The following AGMO variants were observed in gnomAD, a reference collection of about 807,000 sequenced individuals.
AGMO encodes glyceryl-ether monooxygenase.
AGMO carries 75 observed loss-of-function variants against 60.2 expected under a neutral mutation model. That is an observed-to-expected ratio of 1.25 (90% CI 1.03 to 1.51). The LOEUF is 1.51. AGMO is among the 40% of genes most tolerant of loss of function. The probability of loss-of-function intolerance (pLI) is 0.00; values close to 1 mark genes in which losing one functional copy is unlikely to be tolerated. For synonymous variants in AGMO, 261 were observed against 177.1 expected (o/e 1.47, Z -3.76); for missense variants, 763 against 525.5 (o/e 1.45, Z -4.42).
At chr7:15,544,635 C>G in intron 3 of AGMO, 137 bp downstream of exon 3, 1 of 748,646 alleles carries the variant, frequency 1.3e-6, no homozygotes, top group Non-Finnish European at 1.9e-6. Flanking sequence ...AGTAAACCTT[C>G]ATTATTAATT....
At chr7:15,499,907 GCACACACA>G (rs367953278) in intron 3 of AGMO, among the ~76,000 whole-genome samples, 6 of 137,714 alleles carry the variant, frequency 4.4e-5, no homozygotes, top group Non-Finnish European at 7.8e-5. Flanking sequence ...TATGTATTAC[GCACACACA>G]CACACACACA....
At chr7:15,356,504 T>C (rs934744432) in intron 12 of AGMO, among the ~76,000 whole-genome samples, 3 of 151,956 alleles carry the variant, frequency 2.0e-5, no homozygotes, top group African/African-American at 7.2e-5. Flanking sequence ...AAAAATGAAA[T>C]AATATATTGC....
the AGMO span, among the ~76,000 whole-genome samples, chr7:15,155,551 A>G: frequency 7.0e-6 from 1 of 142,424 alleles, no homozygotes; most frequent in African/African-American, 2.6e-5. Context: ...CTGTTTTACT[A>G]TTTTCCTTGG....
At chr7:15,409,538 A>G (rs1784786688) in intron 5 of AGMO, among the ~76,000 whole-genome samples, 1 of 151,880 alleles carries the variant, frequency 6.6e-6, no homozygotes, top group African/African-American at 2.4e-5. Context: ...TAGTTTTCTG[A>G]CTTTCTATTA....
intron 4 of AGMO, among the ~76,000 whole-genome samples, chr7:15,421,234 C>T (rs1380782310): frequency 1.3e-5 from 2 of 152,060 alleles, no homozygotes; most frequent in Admixed American, 6.6e-5. Context: ...ATTATAACAA[C>T]GTGTGAGCCT....
chr7:15,372,558 C>A (rs1267901551), intron 10 of AGMO, among the ~76,000 whole-genome samples: 2 of 152,094 alleles, frequency 1.3e-5, no homozygotes, highest in African/African-American at 4.8e-5. Flanking sequence ...CCAAGAACAA[C>A]AAAATCCCTG....
chr7:15,244,230 A>G (rs1563051877), intron 12 of AGMO, among the ~76,000 whole-genome samples: 1 of 152,184 alleles, frequency 6.6e-6, no homozygotes, highest in African/African-American at 2.4e-5. Context: ...AACATTCTCA[A>G]TGTGTCTACC....
chr7:15,157,748 T>A, the AGMO span, among the ~76,000 whole-genome samples: 3 of 152,362 alleles, frequency 2.0e-5, no homozygotes, highest in African/African-American at 7.2e-5. Flanking sequence ...CCACATCTTA[T>A]TTCTCGACCT....
At chr7:15,216,455 A>G (rs1038183418) in intron 12 of AGMO, among the ~76,000 whole-genome samples, 2 of 152,100 alleles carry the variant, frequency 1.3e-5, no homozygotes, top group African/African-American at 4.8e-5. Context: ...CTAAAATCCA[A>G]GAGCCTTGAT....
chr7:15,423,829 T>C (rs1426776135), intron 4 of AGMO, among the ~76,000 whole-genome samples: 2 of 152,258 alleles, frequency 1.3e-5, no homozygotes, highest in South Asian at 2.1e-4. Context: ...GTCTCCCTCA[T>C]AGCCCTCAAA....
intron 12 of AGMO, among the ~76,000 whole-genome samples, chr7:15,327,949 T>A (rs891530034): frequency 1.3e-5 from 2 of 151,064 alleles, no homozygotes; most frequent in African/African-American, 4.9e-5. Flanking sequence ...AAAAAAAATT[T>A]TTTTTTGGTT....
intron 12 of AGMO, among the ~76,000 whole-genome samples, chr7:15,347,934 G>A (rs776588076): frequency 1.6e-4 from 24 of 152,124 alleles, no homozygotes; most frequent in South Asian, 4.2e-4. Flanking sequence ...CTATCTTTAT[G>A]TCAAAAGCAA....
chr7:15,379,738 C>T (rs1294789070), intron 10 of AGMO, among the ~76,000 whole-genome samples: 2 of 151,956 alleles, frequency 1.3e-5, no homozygotes, highest in African/African-American at 4.8e-5. Flanking sequence ...ATATCCTTGA[C>T]TGACAGTAAT....
At chr7:15,348,134 G>A (rs552038049) in intron 12 of AGMO, among the ~76,000 whole-genome samples, 40 of 152,086 alleles carry the variant, frequency 2.6e-4, no homozygotes, top group African/African-American at 9.4e-4. Flanking sequence ...AAAGAACACA[G>A]AATCCCTATT....
chr7:15,267,024 A>G (rs1218851963), intron 12 of AGMO, among the ~76,000 whole-genome samples: 1 of 152,100 alleles, frequency 6.6e-6, no homozygotes, highest in East Asian at 1.9e-4. Context: ...GAGAGAACAT[A>G]AAGAAAATGA....
At chr7:15,527,142 A>C (rs1178119804) in intron 3 of AGMO, among the ~76,000 whole-genome samples, 1 of 152,184 alleles carries the variant, frequency 6.6e-6, no homozygotes, top group Non-Finnish European at 1.5e-5. Context: ...CTCTCACTTT[A>C]AATTAAAAGC....
the AGMO span, among the ~76,000 whole-genome samples, chr7:15,160,175 G>A: frequency 6.6e-6 from 1 of 152,272 alleles, no homozygotes; most frequent in African/African-American, 2.4e-5. Context: ...CAAGGGGATT[G>A]ATCACGGAAC....
intron 3 of AGMO, among the ~76,000 whole-genome samples, chr7:15,522,655 G>A (rs575614964): frequency 6.6e-6 from 1 of 152,224 alleles, no homozygotes; most frequent in African/African-American, 2.4e-5. Flanking sequence ...GCAGAAAACT[G>A]AAACCGGACC....
intron 12 of AGMO, among the ~76,000 whole-genome samples, chr7:15,295,376 G>C (rs1428848174): frequency 6.6e-6 from 1 of 152,030 alleles, no homozygotes; most frequent in Non-Finnish European, 1.5e-5. Context: ...GCAGCAGATA[G>C]ACAATAAGCA....
Sources: allele counts gnomAD v4.1 joint callset (sites outside exome capture counted in the v4.1 genomes callset), GRCh38; gene constraint gnomAD v4.1.1; transcripts MANE v1.5; gene names NCBI Gene and HGNC (gene_info 2026-07-23, HGNC 2026-07-21).